The following PBLD variants were observed in gnomAD, a reference collection of about 807,000 sequenced individuals.
PBLD encodes phenazine biosynthesis-like domain-containing protein.
Under a neutral mutation model 31.3 loss-of-function variants are expected in PBLD, and 26 were observed. The ratio of observed to expected loss-of-function variants is 0.83; its 90% confidence interval spans 0.61 to 1.15. PBLD has a LOEUF of 1.15. Among genes scored for constraint, PBLD ranks in the 50% most tolerant of loss-of-function variants. The pLI, the probability that PBLD is intolerant of heterozygous loss-of-function variation, is 0.00. For synonymous variants in PBLD, 114 were observed against 129.0 expected (o/e 0.88, Z 0.79); for missense variants, 307 against 351.7 (o/e 0.87, Z 1.02).
intron 1 of PBLD, among the ~76,000 whole-genome samples, chr10:68,327,804 T>A (rs936421129): frequency 3.9e-5 from 6 of 152,202 alleles, no homozygotes; most frequent in African/African-American, 1.4e-4. Flanking sequence ...ATTTAAATTA[T>A]TTAAGTAGCT....
At chr10:68,319,079 G>GA (rs1249313753) in intron 1 of PBLD, among the ~76,000 whole-genome samples, 1 of 122,362 alleles carries the variant, frequency 8.2e-6, no homozygotes, top group Admixed American at 8.9e-5. Flanking sequence ...AAGAAAGAAA[G>GA]AAAGAAAGAA....
At chr10:68,332,029 C>T (rs972580627) in intron 1 of PBLD, 1 of 152,678 alleles carries the variant, frequency 6.5e-6, no homozygotes, top group African/African-American at 2.4e-5. Flanking sequence ...CTCCGCCCCC[C>T]ACTTCTTGCT....
chr10:68,324,790 A>G (rs1274766882), intron 1 of PBLD, among the ~76,000 whole-genome samples: 1 of 151,206 alleles, frequency 6.6e-6, no homozygotes, highest in Non-Finnish European at 1.5e-5. Flanking sequence ...TAATTTTTGT[A>G]TTTTTAGTAC....
rs2044249325 is a variant in PBLD, at chr10:68,283,144, A to G, written c.*1033T>C. ...AGTGATCCTCCTGCCTTGTCCTGCC[A>G]AAGTGCTGGGATTACAGGCATGAGC... On this transcript the variant is annotated 3_prime_UTR_variant, in exon 10 of 10. Coordinates refer to ENST00000358769, the MANE Select transcript of PBLD (RefSeq NM_022129.4). 1 of 152,014 alleles carries G rather than the reference A, an allele frequency of 6.6e-6. No individual in the cohort carries two copies. Among genetic ancestry groups the G allele is most frequent in the South Asian group, 2.1e-4 (1 of 4,812 alleles). 9.4% of individuals were successfully genotyped at this position (152,014 alleles called of 1,614,324 possible).
chr10:68,313,805 C>A (rs1426002271), intron 1 of PBLD, among the ~76,000 whole-genome samples: 4 of 152,060 alleles, frequency 2.6e-5, no homozygotes, highest in South Asian at 4.1e-4. Context: ...AGTGGTAAAA[C>A]CTTTACCATA....
intron 6 of PBLD, among the ~76,000 whole-genome samples, chr10:68,290,104 C>T (rs540799682): frequency 6.6e-6 from 1 of 151,986 alleles, no homozygotes; most frequent in Non-Finnish European, 1.5e-5. Context: ...GAGGAGACAA[C>T]CCCTTCCCAC....
chr10:68,284,652 G>C (rs1310046536), intron 9 of PBLD, among the ~76,000 whole-genome samples: 1 of 152,164 alleles, frequency 6.6e-6, no homozygotes, highest in African/African-American at 2.4e-5. Flanking sequence ...TATAACTCTA[G>C]GAAGATGAAG....
chr10:68,319,104 AAAGAAAG>A (rs2044790185), intron 1 of PBLD, among the ~76,000 whole-genome samples: 1 of 133,042 alleles, frequency 7.5e-6, no homozygotes, highest in African/African-American at 3.1e-5. Flanking sequence ...AGAAAGAAAG[AAAGAAAG>A]GAAAAAGAAA....
At chr10:68,310,126 ACT>A (rs150260814) in intron 1 of PBLD, among the ~76,000 whole-genome samples, 6,712 of 149,648 alleles carry the variant, frequency 0.045, 372 homozygotes, top group African/African-American at 0.054. Context: ...ACCGAGAGAG[ACT>A]CTGTCTCAAA....
Position 68,292,002 on chromosome 10 carries a change from T to G in PBLD, c.423+8A>C, listed in dbSNP as rs1443638416. On this transcript the variant is annotated splice_region_variant and intron_variant, in intron 6 of 9. Transcript: ENST00000358769. ...TAACTAGGCTCAGGTTTGATTCTTTTTACCAACCTTTATCAAGTCCTCTAC... is the reference window on the plus strand; with the variant it reads ...TAACTAGGCTCAGGTTTGATTCTTTGTACCAACCTTTATCAAGTCCTCTAC... 23 of 1,580,852 alleles carry G rather than the reference T, an allele frequency of 1.5e-5. No individual in the cohort carries two copies. The highest frequency in any genetic ancestry group is 1.9e-5 in the Non-Finnish European group (22 of 1,149,976).
intron 1 of PBLD, among the ~76,000 whole-genome samples, chr10:68,311,893 G>A (rs1040870776): frequency 2.6e-5 from 4 of 152,198 alleles, no homozygotes; most frequent in Non-Finnish European, 4.4e-5. Flanking sequence ...CTGGCTGGGA[G>A]TGCAGCTGGC....
chr10:68,300,627 T>C (rs757617906), intron 2 of PBLD, among the ~76,000 whole-genome samples: 1 of 82,258 alleles, frequency 1.2e-5, no homozygotes, highest in African/African-American at 3.7e-5. Flanking sequence ...GAGAAACCCT[T>C]GTGTATAAGC....
chr10:68,311,336 C>T (rs1269671808), intron 1 of PBLD, among the ~76,000 whole-genome samples: 5 of 152,076 alleles, frequency 3.3e-5, no homozygotes, highest in Non-Finnish European at 7.4e-5. Flanking sequence ...CCTGTAATCC[C>T]AGCACTTTGG....
At position 68,295,494 on chromosome 10, in the gene PBLD, G is replaced by GAA. The variant is rs11390819; in HGVS notation, c.283+770_283+771dup. Among the ~76,000 whole-genome samples the GAA allele has an allele frequency of 6.4e-3, 821 of 127,580 alleles. 9 individuals carry two copies. The highest frequency in any genetic ancestry group is 0.018 in the African/African-American group (629 of 34,742). 83.7% of individuals were successfully genotyped at this position (127,580 alleles called of 152,430 possible). On this transcript the variant is annotated intron_variant, in intron 4 of 9. Transcript: ENST00000358769. ...GTCAACCGAGCCAGGCCCCATCTCAGAAAAAAAAAAAAAAAATGTTTATTG... is the reference window on the plus strand; with the variant it reads ...GTCAACCGAGCCAGGCCCCATCTCAGAAAAAAAAAAAAAAAAAATGTTTATTG...
At chr10:68,304,400 T>C (rs531783120) in intron 2 of PBLD, among the ~76,000 whole-genome samples, 66 of 152,332 alleles carry the variant, frequency 4.3e-4, no homozygotes, top group Admixed American at 1.3e-3. Context: ...GAAAACTCTT[T>C]AGAGAGCATC....
At position 68,332,921 on chromosome 10, in the gene PBLD, G is replaced by C. The variant is rs974634344; in HGVS notation, c.-197C>G. 2 of 152,260 alleles carry C rather than the reference G, an allele frequency of 1.3e-5. No homozygotes were observed. The highest frequency in any genetic ancestry group is 4.8e-5 in the African/African-American group (2 of 41,438). The allele number at this position is 152,260 out of a possible 1,614,324, so 9.4% of individuals were successfully genotyped here. The stretch of plus-strand genomic sequence containing the variant: ...ACAAAGGAGGCAGACGGCCTCCTTT[G>C]TAATTCTGCCGCCCGGTGGCGAAGG... On this transcript the variant is annotated 5_prime_UTR_variant, in exon 1 of 10. Transcript: ENST00000358769.
At chr10:68,294,244 C>A (rs1374669748) in intron 4 of PBLD, among the ~76,000 whole-genome samples, 6 of 152,202 alleles carry the variant, frequency 3.9e-5, no homozygotes, top group Non-Finnish European at 8.8e-5. Flanking sequence ...CGCTCTAGCT[C>A]ATCCCACAGA....
chr10:68,314,957 G>A (rs949544777), intron 1 of PBLD, among the ~76,000 whole-genome samples: 2 of 151,828 alleles, frequency 1.3e-5, no homozygotes, highest in African/African-American at 4.8e-5. Flanking sequence ...GCCCAGCTAG[G>A]TTTTGTATTT....
intron 1 of PBLD, among the ~76,000 whole-genome samples, chr10:68,326,220 A>G (rs1264538869): frequency 6.6e-6 from 1 of 152,078 alleles, no homozygotes; most frequent in East Asian, 1.9e-4. Context: ...TTGTATTTTT[A>G]GTAGAGACGT....
Sources: allele counts gnomAD v4.1 joint callset (sites outside exome capture counted in the v4.1 genomes callset), GRCh38; gene constraint gnomAD v4.1.1; transcripts MANE v1.5; gene names NCBI Gene and HGNC (gene_info 2026-07-23, HGNC 2026-07-21).